XRCC4: variants seen among roughly 807,000 people sequenced by gnomAD.
XRCC4 encodes the protein X-ray repair cross complementing 4, also known as DNA repair protein XRCC4.
XRCC4 carries 28 observed loss-of-function variants against 39.1 expected under a neutral mutation model. The observed-to-expected ratio is 0.72, with a 90% CI of 0.53 to 0.98. XRCC4 has a LOEUF of 0.98. Ranked by LOEUF, XRCC4 falls within the 50% of genes least tolerant of loss-of-function variation. The pLI, the probability that XRCC4 is intolerant of heterozygous loss-of-function variation, is 0.00. For missense variants in XRCC4, 350 were observed against 376.4 expected (o/e 0.93, Z 0.58); for synonymous variants, 123 against 126.4 (o/e 0.97, Z 0.18).
intron 2 of XRCC4, among the ~76,000 whole-genome samples, chr5:83,106,371 A>G (rs974977348): frequency 2.0e-5 from 3 of 152,068 alleles, no homozygotes; most frequent in South Asian, 2.1e-4. Flanking sequence ...TGTAAGGAAT[A>G]CTGTATTTAT....
intron 7 of XRCC4, chr5:83,280,020 C>A: frequency 5.0e-6 from 1 of 198,454 alleles, no homozygotes. Flanking sequence ...TGCTTTACAA[C>A]TTCATCAAAA....
At chr5:83,346,025 C>T (rs1338746582) in intron 7 of XRCC4, among the ~76,000 whole-genome samples, 1 of 151,976 alleles carries the variant, frequency 6.6e-6, no homozygotes, top group South Asian at 2.1e-4. Context: ...GGAATCTCTG[C>T]AACTATATTT....
intron 1 of XRCC4, among the ~76,000 whole-genome samples, chr5:83,094,153 T>G (rs1460675402): frequency 6.6e-6 from 1 of 152,178 alleles, no homozygotes; most frequent in Non-Finnish European, 1.5e-5. Context: ...TTGGCTTCCT[T>G]CTGATTAGGG....
chr5:83,318,176 A>G (rs1755942130), intron 7 of XRCC4, among the ~76,000 whole-genome samples: 1 of 144,988 alleles, frequency 6.9e-6, no homozygotes, highest in African/African-American at 2.8e-5. Context: ...AAAAACTCTC[A>G]ATGAATTAGG....
intron 7 of XRCC4, among the ~76,000 whole-genome samples, chr5:83,344,415 CTTTTTTTTTTTT>C (rs70973394): frequency 3.5e-5 from 4 of 115,240 alleles, no homozygotes; most frequent in East Asian, 2.5e-4. Flanking sequence ...TTATTTTTCA[CTTTTTTTTTTTT>C]TTTTTTTTTT....
chr5:83,364,076 C>G, the XRCC4 span, among the ~76,000 whole-genome samples: 1 of 152,144 alleles, frequency 6.6e-6, no homozygotes, highest in Non-Finnish European at 1.5e-5. Context: ...TTAAATAACA[C>G]AAAGCATTGT....
intron 7 of XRCC4, among the ~76,000 whole-genome samples, chr5:83,346,495 TTGTG>T (rs1324500168): frequency 6.6e-6 from 1 of 152,202 alleles, no homozygotes; most frequent in Non-Finnish European, 1.5e-5. Context: ...AAGTCACGCT[TTGTG>T]AACAAATTAT....
At chr5:83,369,091 A>G in the XRCC4 span, among the ~76,000 whole-genome samples, 1 of 152,212 alleles carries the variant, frequency 6.6e-6, no homozygotes, top group African/African-American at 2.4e-5. Flanking sequence ...CTTAGAAGTG[A>G]GTAAAATCCA....
chr5:83,309,737 A>G (rs989309496), intron 7 of XRCC4, among the ~76,000 whole-genome samples: 4 of 130,142 alleles, frequency 3.1e-5, no homozygotes, highest in African/African-American at 8.6e-5. Flanking sequence ...AGCCTGGGCG[A>G]CAGAGTGAGA....
chr5:83,244,294 A>C (rs1220582321), intron 6 of XRCC4, among the ~76,000 whole-genome samples: 3 of 152,140 alleles, frequency 2.0e-5, no homozygotes, highest in African/African-American at 7.2e-5. Context: ...TCTTTCTTTA[A>C]AGATCATTGA....
the XRCC4 span, among the ~76,000 whole-genome samples, chr5:83,359,856 T>C: frequency 1.3e-5 from 2 of 152,298 alleles, no homozygotes; most frequent in South Asian, 2.1e-4. Flanking sequence ...AATTTTATAA[T>C]TAAATATGTG....
At chr5:83,249,436 C>T (rs1753229774) in intron 6 of XRCC4, among the ~76,000 whole-genome samples, 1 of 152,092 alleles carries the variant, frequency 6.6e-6, no homozygotes, top group African/African-American at 2.4e-5. Context: ...CGAAATTTAG[C>T]CTTCTAGTTT....
intron 7 of XRCC4, among the ~76,000 whole-genome samples, chr5:83,288,027 TTGACCCATATGTTCAGAAGTA>T (rs1754793620): frequency 6.6e-6 from 1 of 151,904 alleles, no homozygotes; most frequent in African/African-American, 2.4e-5. Flanking sequence ...GAGTGTCTTC[TTGACCCATATGTTCAGAAGTA>T]TATTAATCTC....
chr5:83,310,117 T>A (rs1755655131), intron 7 of XRCC4, among the ~76,000 whole-genome samples: 1 of 152,206 alleles, frequency 6.6e-6, no homozygotes, highest in Non-Finnish European at 1.5e-5. Flanking sequence ...AGATCTTATA[T>A]CTTATGCGGT....
chr5:83,315,313 C>T (rs1176690711), intron 7 of XRCC4, among the ~76,000 whole-genome samples: 1 of 152,082 alleles, frequency 6.6e-6, no homozygotes, highest in Non-Finnish European at 1.5e-5. Flanking sequence ...TAGGAGGTTT[C>T]AGGAAAGAAG....
At chr5:83,302,473 G>A (rs1242435249) in intron 7 of XRCC4, among the ~76,000 whole-genome samples, 4 of 152,156 alleles carry the variant, frequency 2.6e-5, no homozygotes, top group African/African-American at 7.2e-5. Context: ...CGCTTCCCAG[G>A]TGACACAATG....
At chr5:83,280,296 T>C in intron 7 of XRCC4, 1 of 395,312 alleles carries the variant, frequency 2.5e-6, no homozygotes, top group Non-Finnish European at 4.8e-6. Flanking sequence ...CTACATTTGA[T>C]GTTTTACACC....
chr5:83,132,020 GGTT>G (rs768195245), intron 3 of XRCC4, among the ~76,000 whole-genome samples: 6 of 152,092 alleles, frequency 3.9e-5, no homozygotes, highest in Admixed American at 2.0e-4. Flanking sequence ...GGCTCATACT[GGTT>G]GTTCCTTTCC....
intron 6 of XRCC4, among the ~76,000 whole-genome samples, chr5:83,237,841 AC>A (rs760202093): frequency 1.3e-5 from 2 of 152,026 alleles, no homozygotes; most frequent in Non-Finnish European, 1.5e-5. Context: ...TATCACATGT[AC>A]CCCATAAATA....
Sources: allele counts gnomAD v4.1 joint callset (sites outside exome capture counted in the v4.1 genomes callset), GRCh38; gene constraint gnomAD v4.1.1; transcripts MANE v1.5; gene names NCBI Gene and HGNC (gene_info 2026-07-23, HGNC 2026-07-21).